Variants in SLC30A2 observed in about 807,000 individuals in gnomAD.
The protein encoded by SLC30A2 is proton-coupled zinc antiporter SLC30A2.
A neutral mutation model predicts 39.6 loss-of-function variants in SLC30A2; 19 were observed. That is an observed-to-expected ratio of 0.48 (90% CI 0.34 to 0.70). The LOEUF is 0.70. SLC30A2 is among the 30% of genes least tolerant of loss of function. The pLI is 0.01. For missense variants in SLC30A2, 387 were observed against 479.4 expected (o/e 0.81, Z 1.80); for synonymous variants, 195 against 194.8 (o/e 1.00, Z -0.01).
At chr1:26,044,227 G>T in intron 3 of SLC30A2, 71 bp downstream of exon 3, 1 of 1,524,218 alleles carries the variant, frequency 6.6e-7, no homozygotes, top group South Asian at 1.2e-5. Flanking sequence ...ACCCATTACA[G>T]CCACCTAAGA....
In SLC30A2 at chr1:26,037,915, C is replaced by T. The variant is rs751080419; in HGVS notation, c.*1245G>A. On this transcript the variant is annotated 3_prime_UTR_variant, in exon 8 of 8. Transcript: ENST00000374276. The stretch of plus-strand genomic sequence containing the variant: ...CAGTCAAGACAAACTCAGCACTGCC[C>T]CTGGGGAGGCTGGGAAGCCCACCTG... The T allele has an allele frequency of 6.6e-6, 1 of 152,212 alleles. No homozygotes were observed. The highest frequency in any genetic ancestry group is 1.5e-5 in the Non-Finnish European group (1 of 68,046). The allele number at this position is 152,212 out of a possible 1,614,324, so 9.4% of individuals were successfully genotyped here. A position where few individuals can be genotyped will look rare whatever the true frequency, so the allele number is the denominator to read the frequency against.
intron 2 of SLC30A2, 116 bp downstream of exon 2, chr1:26,044,881 A>G: frequency 1.2e-6 from 1 of 811,570 alleles, no homozygotes; most frequent in East Asian, 2.5e-5. Flanking sequence ...GATAATGTGT[A>G]TATAAAGGCT....
chr1:26,045,703 A>C, intron 1 of SLC30A2, 144 bp downstream of exon 1: 1 of 1,358,576 alleles, frequency 7.4e-7, no homozygotes, highest in Non-Finnish European at 1.0e-6. Context: ...ACAGCCCATT[A>C]TCTTCGTTCC....
chr1:26,043,533 AC>A lies in SLC30A2; in HGVS notation c.436del (p.Val146SerfsTer9). The A allele has an allele frequency of 6.2e-7, 1 of 1,613,984 alleles. No individual in the cohort carries two copies. The highest frequency in any genetic ancestry group is 8.5e-7 in the Non-Finnish European group (1 of 1,179,952). On this transcript the variant is annotated frameshift_variant, in exon 4 of 8. Transcript: ENST00000374276. LOFTEE classifies it high-confidence loss of function. Reference protein sequence around the residue: ...WQRAEILGALVSVLSIWVVTG... With the variant: ...WQRAEILGALXSVLSIWVVTG... ...CACGACCCAGATGGACAGTACAGAG[AC>A]CAGGGCTCCCAAGATCTCTGAGGAA...
chr1:26,038,495 C>T lies in SLC30A2; in HGVS notation c.*665G>A, dbSNP rs940236554. 1 of 152,280 alleles carries T rather than the reference C, an allele frequency of 6.6e-6. No homozygotes were observed. Among genetic ancestry groups the T allele is most frequent in the African/African-American group, 2.4e-5 (1 of 41,468 alleles). The allele number at this position is 152,280 out of a possible 1,614,324, so 9.4% of individuals were successfully genotyped here. On this transcript the variant is annotated 3_prime_UTR_variant, in exon 8 of 8. Transcript: ENST00000374276. ...TAGTGCAGAACCCAAGCTGAAATCT[C>T]TCTACCCCCTGCCCACCACCTGTGC...
intron 6 of SLC30A2, among the ~76,000 whole-genome samples, chr1:26,041,378 T>A (rs2050395394): frequency 6.6e-6 from 1 of 151,870 alleles, no homozygotes; most frequent in Non-Finnish European, 1.5e-5. Flanking sequence ...CCTGGGGAAG[T>A]GTATAGGGGA....
At chr1:26,042,408 G>GTAGAGGAAAGGT (rs2050407805) in intron 5 of SLC30A2, 141 bp downstream of exon 5, 1 of 753,806 alleles carries the variant, frequency 1.3e-6, no homozygotes, top group African/African-American at 1.7e-5. Context: ...GTAGGTATTG[G>GTAGAGGAAAGGT]ATAAATGTTC....
intron 2 of SLC30A2, 52 bp downstream of exon 2, chr1:26,044,945 C>T (rs1290464931): frequency 9.6e-6 from 14 of 1,452,632 alleles, no homozygotes; most frequent in African/African-American, 2.8e-5. Flanking sequence ...TTGCTGGGAA[C>T]ATCCAGTCTA....
At chr1:26,045,472 T>G (rs936596329) in intron 1 of SLC30A2, 124 of 593,770 alleles carry the variant, frequency 2.1e-4, no homozygotes, top group Admixed American at 1.5e-4. Flanking sequence ...TGCTGTCCAG[T>G]GGAGCGCGGG....
At chr1:26,042,267 G>A (rs551934648) in intron 5 of SLC30A2, among the ~76,000 whole-genome samples, 29 of 152,228 alleles carry the variant, frequency 1.9e-4, no homozygotes, top group Non-Finnish European at 3.5e-4. Flanking sequence ...ACACACAGTC[G>A]TAGGCTTGAA....
At chr1:26,044,828 C>T (rs1302156057) in intron 2 of SLC30A2, among the ~76,000 whole-genome samples, 169 bp downstream of exon 2, 1 of 152,238 alleles carries the variant, frequency 6.6e-6, no homozygotes, top group Admixed American at 6.5e-5. Flanking sequence ...AGGAGAATAA[C>T]GTCACCCATG....
At chr1:26,044,856 G>T (rs1489444594) in intron 2 of SLC30A2, 141 bp downstream of exon 2, 2 of 703,018 alleles carry the variant, frequency 2.8e-6, no homozygotes, top group African/African-American at 1.8e-5. Flanking sequence ...ACAGGTTGTT[G>T]TTAGACCTGC....
intron 4 of SLC30A2, among the ~76,000 whole-genome samples, chr1:26,042,965 C>T (rs2050415636): frequency 6.6e-6 from 1 of 152,208 alleles, no homozygotes; most frequent in East Asian, 1.9e-4. Context: ...AGGGAGGTCA[C>T]TGTCAGTTCA....
At chr1:26,041,876 C>A in intron 5 of SLC30A2, 71 bp from the exon 6 acceptor site, 4 of 928,348 alleles carry the variant, frequency 4.3e-6, no homozygotes, top group Admixed American at 3.9e-5. Context: ...CCCCTCCCAC[C>A]CAGCACTGCT....
At chr1:26,043,704 G>A (rs896487342) in intron 3 of SLC30A2, among the ~76,000 whole-genome samples, 153 bp from the exon 4 acceptor site, 2 of 152,176 alleles carry the variant, frequency 1.3e-5, no homozygotes, top group African/African-American at 2.4e-5. Flanking sequence ...CGGTATGGCT[G>A]CCCCTTACCC....
intron 6 of SLC30A2, 44 bp downstream of exon 6, chr1:26,041,656 C>T (rs370189147): frequency 9.4e-6 from 11 of 1,175,962 alleles, no homozygotes; most frequent in Non-Finnish European, 1.4e-5. Context: ...CTGATTAGCG[C>T]TTGAGAGCCA....
Position 26,039,421 on chromosome 1 carries a change from G to T in SLC30A2, c.974-116C>A. 1 of 782,882 alleles carries T rather than the reference G, an allele frequency of 1.3e-6. No homozygotes were observed. The allele number at this position is 782,882 out of a possible 1,614,324, so 48.5% of individuals were successfully genotyped here. A position where few individuals can be genotyped will look rare whatever the true frequency, so the allele number is the denominator to read the frequency against. On this transcript the variant is annotated intron_variant, in intron 7 of 7. Coordinates refer to ENST00000374276, the MANE Select transcript of SLC30A2 (RefSeq NM_001004434.3). The surrounding 1 kb of genome is among the most constrained non-coding windows in gnomAD (Gnocchi z 4.3). ...GAACAGGATGGGGGACCATGAACATGGAGAAGCCCCCAGATTCCATTCCTC... is the reference window on the plus strand; with the variant it reads ...GAACAGGATGGGGGACCATGAACATTGAGAAGCCCCCAGATTCCATTCCTC...
Position 26,039,026 on chromosome 1 carries a change from T to G in SLC30A2, c.*134A>C. ...GCTGGGAAGAGCTCCATTCCTGGAG[T>G]GGGGCAGAGGTCAGGAGGGGGACCT... On this transcript the variant is annotated 3_prime_UTR_variant, in exon 8 of 8. Transcript: ENST00000374276. The surrounding 1 kb of genome is among the most constrained non-coding windows in gnomAD (Gnocchi z 4.3). 1.4e-6 allele frequency: 2 copies of G among 1,426,884 alleles called. No individual in the cohort carries two copies. Among genetic ancestry groups the G allele is most frequent in the Non-Finnish European group, 1.8e-6 (2 of 1,087,226 alleles). The allele number at this position is 1,426,884 out of a possible 1,614,324, so 88.4% of individuals were successfully genotyped here.
In SLC30A2 at chr1:26,044,452, G is replaced by T. The variant is rs370801163; in HGVS notation, c.272-8C>A. On this transcript the variant is annotated splice_region_variant and splice_polypyrimidine_tract_variant and intron_variant, in intron 2 of 7. Transcript: ENST00000374276. ...TGTGTGCCAGGTACCCACCTGCAGGGTGGAGGGTCCTTATCAGCTCCCCCA... is the reference window on the plus strand; with the variant it reads ...TGTGTGCCAGGTACCCACCTGCAGGTTGGAGGGTCCTTATCAGCTCCCCCA... The T allele has an allele frequency of 2.5e-6, 4 of 1,612,608 alleles. No individual in the cohort carries two copies. In the Admixed American group the frequency reaches 6.7e-5, roughly 27 times the overall value.
Sources: allele counts gnomAD v4.1 joint callset (sites outside exome capture counted in the v4.1 genomes callset), GRCh38; gene constraint gnomAD v4.1.1; non-coding constraint Gnocchi (gnomAD v3.1); transcripts MANE v1.5; gene names NCBI Gene and HGNC (gene_info 2026-07-23, HGNC 2026-07-21).